The following SUDS3 variants were observed in gnomAD, a reference collection of about 807,000 sequenced individuals.
SUDS3 encodes sin3 histone deacetylase corepressor complex component SDS3.
In SUDS3, 23 loss-of-function variants were observed where a neutral mutation model predicts 53.5. That is an observed-to-expected ratio of 0.43 (90% CI 0.31 to 0.61). SUDS3 has a LOEUF of 0.61. Among genes scored for constraint, SUDS3 ranks in the 20% least tolerant of loss-of-function variants. The pLI, the probability that SUDS3 is intolerant of heterozygous loss-of-function variation, is 0.10. For missense variants in SUDS3, 291 were observed against 405.9 expected, an observed-to-expected ratio of 0.72 and a Z score of 2.43; for synonymous variants, 150 against 148.5, an observed-to-expected ratio of 1.01 and a Z score of -0.08.
chr12:118,401,817 T>G lies in SUDS3; in HGVS notation c.672T>G (p.Asn224Lys). ...TCATGGAGGATCTGAGAACATTAAA[T>G]AAGGTACGGTTTGACTTTTTTGATT... ...EQIMEDLRTL[N>K]KLKSPKRPAS... is the part of the protein sequence containing the mutation. The change falls in exon 8 of 12, where the codon AAT becomes AAG. Residue 224 changes from asparagine to lysine, a missense_variant. By Grantham distance (94) the Asn-to-Lys change is moderately conservative. This residue lies in a region of SUDS3 where 77 missense variants were observed against 87.1 expected (regional missense o/e 0.88). Coordinates refer to ENST00000543473, the MANE Select transcript of SUDS3 (RefSeq NM_022491.3). 1 of 1,613,846 alleles carries G rather than the reference T, an allele frequency of 6.2e-7. No individual in the cohort carries two copies. Among genetic ancestry groups the G allele is most frequent in the Non-Finnish European group, 8.5e-7 (1 of 1,179,750 alleles).
rs1430128890 is a variant in SUDS3, at chr12:118,395,711, A to G, written c.517+4429A>G. On this transcript the variant is annotated intron_variant, in intron 6 of 11. Coordinates refer to ENST00000543473, the MANE Select transcript of SUDS3 (RefSeq NM_022491.3). ...TGGATTGATTGATTGATTGATTTTG[A>G]GACGTAGTCTAGCTCTGTCACCCAG... Among the ~76,000 whole-genome samples the G allele has an allele frequency of 2.0e-5, 3 of 151,832 alleles. 1 individual carries two copies. The highest frequency in any genetic ancestry group is 7.3e-5 in the African/African-American group (3 of 41,316).
intron 2 of SUDS3, 64 bp from the exon 3 acceptor site, chr12:118,383,948 A>G (rs1373562296): frequency 2.1e-6 from 3 of 1,433,032 alleles, no homozygotes; most frequent in Non-Finnish European, 2.9e-6. Context: ...TTCTGTGAGT[A>G]GGTTATTTTG....
intron 5 of SUDS3, 139 bp from the exon 6 acceptor site, chr12:118,390,987 C>A: frequency 1.0e-6 from 1 of 993,288 alleles, no homozygotes; most frequent in South Asian, 1.3e-5. Flanking sequence ...AAAGCTTGTT[C>A]TCAGACACAC....
intron 4 of SUDS3, 84 bp from the exon 5 acceptor site, chr12:118,389,843 A>T: frequency 1.3e-6 from 2 of 1,530,198 alleles, no homozygotes; most frequent in Non-Finnish European, 1.8e-6. Context: ...GAAAGCAATT[A>T]CTGCTTCTAA....
chr12:118,381,801 C>T (rs1566195927), intron 2 of SUDS3, among the ~76,000 whole-genome samples: 1 of 152,226 alleles, frequency 6.6e-6, no homozygotes, highest in South Asian at 2.1e-4. Context: ...ACGAAAACCT[C>T]ACTCACTTTT....
chr12:118,388,919 C>A (rs1180161137), intron 4 of SUDS3, among the ~76,000 whole-genome samples: 1 of 152,322 alleles, frequency 6.6e-6, no homozygotes, highest in East Asian at 1.9e-4. Flanking sequence ...GAGGCTGAGG[C>A]TGGCGCATCA....
At chr12:118,391,744 G>A (rs2046170128) in intron 6 of SUDS3, among the ~76,000 whole-genome samples, 1 of 152,166 alleles carries the variant, frequency 6.6e-6, no homozygotes, top group South Asian at 2.1e-4. Context: ...TACAGAAAAG[G>A]TATTGTCTCC....
At chr12:118,377,525 C>T (rs2046011553) in intron 1 of SUDS3, among the ~76,000 whole-genome samples, 1 of 150,638 alleles carries the variant, frequency 6.6e-6, no homozygotes, top group South Asian at 2.1e-4. Context: ...ACCCGCCCCC[C>T]TCCCGGAAAC....
intron 10 of SUDS3, among the ~76,000 whole-genome samples, chr12:118,410,431 A>G (rs1379633654): frequency 2.0e-5 from 3 of 152,204 alleles, no homozygotes; most frequent in Non-Finnish European, 4.4e-5. Flanking sequence ...TAGTCCAAAA[A>G]AAGGGAAAAA....
rs148691852 is a variant in SUDS3 at position 118,377,983 on chromosome 12, T to C, written c.142+1150T>C. On this transcript the variant is annotated intron_variant, in intron 1 of 11. Coordinates refer to ENST00000543473, the MANE Select transcript of SUDS3 (RefSeq NM_022491.3). ...AAAAGACAGCTGCATATGCATGACA[T>C]ACAAAGTTGAGGGACTGCATTCGAT... Among the ~76,000 whole-genome samples, 843 of 152,302 alleles carry C rather than the reference T, an allele frequency of 5.5e-3. 1 individual carries two copies. Among genetic ancestry groups the C allele is most frequent in the Non-Finnish European group, 9.1e-3 (620 of 68,008 alleles).
At chr12:118,413,807 A>G (rs575255407) in intron 11 of SUDS3, among the ~76,000 whole-genome samples, 1 of 152,250 alleles carries the variant, frequency 6.6e-6, no homozygotes, top group East Asian at 1.9e-4. Flanking sequence ...TCATGATCCT[A>G]ATTGGGCCTT....
intron 6 of SUDS3, among the ~76,000 whole-genome samples, chr12:118,398,996 A>G (rs1469732387): frequency 6.6e-6 from 1 of 152,146 alleles, no homozygotes; most frequent in African/African-American, 2.4e-5. Flanking sequence ...CTGACTTTCA[A>G]CGGGTATTAT....
chr12:118,378,668 T>A (rs531633490), intron 1 of SUDS3, among the ~76,000 whole-genome samples: 7 of 151,550 alleles, frequency 4.6e-5, no homozygotes, highest in Admixed American at 6.6e-5. Context: ...TTTTATTTGT[T>A]GTTTTGTTTA....
chr12:118,398,563 GA>G lies in SUDS3; in HGVS notation c.518-2089del, dbSNP rs563138607. Among the ~76,000 whole-genome samples the G allele has an allele frequency of 2.8e-5, 4 of 145,420 alleles. No homozygotes were observed. The South Asian group carries it at 8.8e-4, about 32-fold the overall frequency. On this transcript the variant is annotated intron_variant, in intron 6 of 11. Transcript: ENST00000543473. ...TATTTTACCTCTATTCCATTCATAGGAAAAAAATATTTAATACTGCCCATTT... is the reference window on the plus strand; with the variant it reads ...TATTTTACCTCTATTCCATTCATAGGAAAAAATATTTAATACTGCCCATTT...
At chr12:118,384,126 G>A (rs1311705988) in intron 3 of SUDS3, 59 bp downstream of exon 3, 5 of 1,528,184 alleles carry the variant, frequency 3.3e-6, no homozygotes, top group Non-Finnish European at 3.6e-6. Context: ...ACAAACCCTT[G>A]AAATCTGTGT....
At chr12:118,398,614 C>CTTTTTTTTTTTT (rs375288763) in intron 6 of SUDS3, among the ~76,000 whole-genome samples, 1 of 113,286 alleles carries the variant, frequency 8.8e-6, no homozygotes. Context: ...ATGCAGAAGC[C>CTTTTTTTTTTTT]TTTTTTTTTT....
intron 1 of SUDS3, among the ~76,000 whole-genome samples, chr12:118,378,734 G>C (rs1260645513): frequency 7.2e-5 from 11 of 152,004 alleles, no homozygotes; most frequent in Admixed American, 7.2e-4. Context: ...GGAGTGCAAT[G>C]GCGCGATCTC....
chr12:118,408,988 G>T (rs975649350), intron 10 of SUDS3, among the ~76,000 whole-genome samples: 3 of 152,088 alleles, frequency 2.0e-5, no homozygotes, highest in Non-Finnish European at 2.9e-5. Flanking sequence ...GTGTTAGTAT[G>T]AACTTAGCCT....
chr12:118,386,691 T>G (rs1436558809), intron 4 of SUDS3, among the ~76,000 whole-genome samples: 1 of 152,206 alleles, frequency 6.6e-6, no homozygotes, highest in Non-Finnish European at 1.5e-5. Context: ...AAAAATGAAT[T>G]GAGCACCTGC....
Sources: allele counts gnomAD v4.1 joint callset (sites outside exome capture counted in the v4.1 genomes callset), GRCh38; gene constraint gnomAD v4.1.1; regional missense constraint gnomAD v4.1.1; transcripts MANE v1.5; gene names NCBI Gene and HGNC (gene_info 2026-07-23, HGNC 2026-07-21).